LCORL: variants seen among roughly 807,000 people sequenced by gnomAD.
The protein encoded by LCORL is ligand-dependent nuclear receptor corepressor-like protein.
LCORL carries 41 observed loss-of-function variants against 141.8 expected under a neutral mutation model. The observed-to-expected ratio is 0.29, with a 90% confidence interval of 0.23 to 0.38. The LOEUF (loss-of-function observed/expected upper bound fraction) is 0.38, where lower values mean the gene tolerates loss of function less well. Ranked by LOEUF, LCORL falls within the 10% of genes least tolerant of loss-of-function variation. The probability of loss-of-function intolerance (pLI) is 1.00; values close to 1 mark genes in which losing one functional copy is unlikely to be tolerated. For missense variants in LCORL, 1,759 were observed against 2,035.0 expected (o/e 0.86, Z 2.61); for synonymous variants, 618 against 694.1 (o/e 0.89, Z 1.72).
At chr4:17,851,086 C>T (rs1723628147) in intron 7 of LCORL, among the ~76,000 whole-genome samples, 1 of 136,842 alleles carries the variant, frequency 7.3e-6, no homozygotes, top group Non-Finnish European at 1.5e-5. Flanking sequence ...AGTGAGAACA[C>T]ATGGACACAG....
chr4:17,924,716 A>C (rs927107501), intron 4 of LCORL, among the ~76,000 whole-genome samples: 1 of 152,182 alleles, frequency 6.6e-6, no homozygotes, highest in African/African-American at 2.4e-5. Flanking sequence ...CTTTATAGCT[A>C]AAGAAGTGAA....
chr4:17,996,474 A>C (rs575074258), intron 1 of LCORL, among the ~76,000 whole-genome samples: 1 of 152,254 alleles, frequency 6.6e-6, no homozygotes, highest in East Asian at 1.9e-4. Context: ...ATACTGAAAT[A>C]ACTTATAGAA....
intron 4 of LCORL, among the ~76,000 whole-genome samples, chr4:17,944,981 A>G (rs1372612248): frequency 1.3e-5 from 2 of 152,212 alleles, no homozygotes; most frequent in Admixed American, 1.3e-4. Context: ...CAGACAGTTC[A>G]TAATTATATG....
At chr4:17,889,543 G>GA (rs1467951170) in intron 5 of LCORL, among the ~76,000 whole-genome samples, 1 of 151,942 alleles carries the variant, frequency 6.6e-6, no homozygotes, top group Non-Finnish European at 1.5e-5. Flanking sequence ...GTTATCTATG[G>GA]AAAATCTCAC....
chr4:17,968,280 T>C (rs1174962122), intron 2 of LCORL, among the ~76,000 whole-genome samples: 3 of 152,210 alleles, frequency 2.0e-5, no homozygotes, highest in African/African-American at 4.8e-5. Flanking sequence ...TAAGAGCTAA[T>C]ATAATTTGTA....
At chr4:18,019,562 T>C (rs369626987) in intron 1 of LCORL, among the ~76,000 whole-genome samples, 9 of 152,236 alleles carry the variant, frequency 5.9e-5, no homozygotes, top group African/African-American at 2.2e-4. Context: ...CAAAAAGATA[T>C]TCTAGTCCCC....
intron 5 of LCORL, chr4:17,893,666 C>T: frequency 1.2e-6 from 1 of 804,528 alleles, no homozygotes; most frequent in Non-Finnish European, 1.5e-6. Context: ...GTAAAGCTAT[C>T]TTCTAATGCA....
At chr4:17,927,701 G>C (rs553057379) in intron 4 of LCORL, among the ~76,000 whole-genome samples, 14 of 152,298 alleles carry the variant, frequency 9.2e-5, no homozygotes, top group South Asian at 4.1e-4. Context: ...GGAACTGTCA[G>C]AACACACACA....
intron 4 of LCORL, among the ~76,000 whole-genome samples, chr4:17,911,342 A>T (rs775868659): frequency 1.3e-5 from 2 of 152,160 alleles, no homozygotes; most frequent in Non-Finnish European, 2.9e-5. Flanking sequence ...TATTATAAAA[A>T]ACCTATGCAT....
intron 5 of LCORL, among the ~76,000 whole-genome samples, chr4:17,902,567 T>C (rs1731048392): frequency 6.6e-6 from 1 of 152,142 alleles, no homozygotes. Flanking sequence ...AAACTTAATT[T>C]ATAAACCACA....
intron 4 of LCORL, among the ~76,000 whole-genome samples, chr4:17,914,750 C>CGGAA (rs1733128143): frequency 6.6e-6 from 1 of 152,192 alleles, no homozygotes; most frequent in African/African-American, 2.4e-5. Flanking sequence ...TGTTGCCACC[C>CGGAA]GGAAATAGGG....
intron 5 of LCORL, among the ~76,000 whole-genome samples, chr4:17,907,852 A>C (rs1731894257): frequency 6.6e-6 from 1 of 152,186 alleles, no homozygotes; most frequent in African/African-American, 2.4e-5. Flanking sequence ...TTATCTTTTG[A>C]CATTTCTTTC....
rs1427073200 is a variant in LCORL at position 17,875,161 on chromosome 4, AGCT to A, written c.3826_3828del (p.Ser1276del). 3 of 1,232,286 alleles carry A rather than the reference AGCT, an allele frequency of 2.4e-6. No individual in the cohort carries two copies. The East Asian group carries it at 9.5e-5, about 39-fold the overall frequency. The allele number at this position is 1,232,286 out of a possible 1,614,324, so 76.3% of individuals were successfully genotyped here. On this transcript the variant is annotated inframe_deletion, in exon 7 of 8. Coordinates refer to ENST00000635767, the Ensembl canonical transcript of LCORL. ...TTATCCTGTTCTAAAGGAGGCAAGCAGCTGCTAATACTTACTTCTCTTTCCTGA... is the reference window on the plus strand; with the variant it reads ...TTATCCTGTTCTAAAGGAGGCAAGCAGCTAATACTTACTTCTCTTTCCTGA...
rs766801675 is a variant in LCORL, at chr4:17,894,821, C to A, written c.683-8660G>T. Among the ~76,000 whole-genome samples, 356 of 152,112 alleles carry A rather than the reference C, an allele frequency of 2.3e-3. 6 individuals carry two copies. The highest frequency in any genetic ancestry group is 6.5e-4 in the Non-Finnish European group (44 of 67,988). On this transcript the variant is annotated intron_variant, in intron 5 of 7. Transcript: ENST00000635767. ...CTTCCTGACTATGCTTGAGAACCAGCGGTCTAATAATTGTTTAGATCCGTG... is the reference window on the plus strand; with the variant it reads ...CTTCCTGACTATGCTTGAGAACCAGAGGTCTAATAATTGTTTAGATCCGTG...
chr4:18,021,660 G>C lies in LCORL; in HGVS notation c.92C>G (p.Ala31Gly), dbSNP rs1331536519. Residue 31 changes from alanine (A) to glycine (G), a missense_variant, in exon 1 of 8, where the codon GCG (alanine) becomes GGG (glycine). This residue lies in a region of LCORL where 86 missense variants were observed against 61.8 expected (regional missense o/e 1.39). Coordinates refer to ENST00000635767, the Ensembl canonical transcript of LCORL. The surrounding 1 kb of genome is among the most constrained non-coding windows in gnomAD (Gnocchi z 5.5). ...TTCCCGCCGGAATCCTCTTCTCTCC[G>C]CCGCGCACCGAGGGCTCCGGCACTG... is the stretch of plus-strand genomic sequence containing the variant. The C allele has an allele frequency of 1.3e-6, 2 of 1,545,720 alleles. No homozygotes were observed. The highest frequency in any genetic ancestry group is 1.7e-4 in the Middle Eastern group (1 of 5,932).
intron 7 of LCORL, among the ~76,000 whole-genome samples, chr4:17,858,357 T>C (rs1209774946): frequency 6.6e-6 from 1 of 151,372 alleles, no homozygotes; most frequent in Non-Finnish European, 1.5e-5. Context: ...GAATCGCGTA[T>C]CAGTGACCTG....
At chr4:17,967,961 G>T (rs1396067580) in intron 2 of LCORL, among the ~76,000 whole-genome samples, 1 of 151,508 alleles carries the variant, frequency 6.6e-6, no homozygotes, top group Non-Finnish European at 1.5e-5. Context: ...AGGTTCAAGC[G>T]ATTCTCCTGC....
At chr4:17,916,703 G>C (rs905347691) in intron 4 of LCORL, among the ~76,000 whole-genome samples, 1 of 148,506 alleles carries the variant, frequency 6.7e-6, no homozygotes, top group African/African-American at 2.5e-5. Context: ...GGAGTGCAGA[G>C]GCATGATCTT....
chr4:17,969,293 A>T (rs2109648170), intron 2 of LCORL, among the ~76,000 whole-genome samples: 1 of 152,320 alleles, frequency 6.6e-6, no homozygotes, highest in South Asian at 2.1e-4. Context: ...CTTTCTTCAT[A>T]AGGACAGTCA....
Sources: allele counts gnomAD v4.1 joint callset (sites outside exome capture counted in the v4.1 genomes callset), GRCh38; gene constraint gnomAD v4.1.1; regional missense constraint gnomAD v4.1.1; non-coding constraint Gnocchi (gnomAD v3.1); transcripts MANE v1.5; gene names NCBI Gene and HGNC (gene_info 2026-07-23, HGNC 2026-07-21).